Variants in PRR12 observed in about 807,000 individuals in gnomAD.
PRR12 encodes the protein proline rich 12.
A neutral mutation model predicts 138.0 loss-of-function variants in PRR12; 12 were observed. The observed-to-expected ratio is 0.09, with a 90% CI of 0.06 to 0.14. PRR12 has a LOEUF of 0.14. Among genes scored for constraint, PRR12 ranks in the 10% least tolerant of loss-of-function variants. The pLI is 1.00. For synonymous variants in PRR12, 1,567 were observed against 1,291.7 expected (o/e 1.21, Z -4.57); for missense variants, 2,692 against 2,861.3 (o/e 0.94, Z 1.35).
chr19:49,592,788 T>C (rs559536465), intron 1 of PRR12, among the ~76,000 whole-genome samples: 3 of 152,272 alleles, frequency 2.0e-5, no homozygotes, highest in South Asian at 2.1e-4. Context: ...CCAGGTCTTA[T>C]TCCCTCTTCT....
At chr19:49,598,479 C>T (rs919377487) in intron 4 of PRR12, among the ~76,000 whole-genome samples, 11 of 152,040 alleles carry the variant, frequency 7.2e-5, no homozygotes, top group Admixed American at 6.6e-5. Context: ...AGGAAGTTAG[C>T]GTGAGGAATT....
At position 49,624,945 on chromosome 19, in the gene PRR12, C is replaced by T; in HGVS notation, c.5823C>T (p.Asn1941=). 2 of 1,596,942 alleles carry T rather than the reference C, an allele frequency of 1.3e-6. No homozygotes were observed. The highest frequency in any genetic ancestry group is 1.7e-6 in the Non-Finnish European group (2 of 1,170,482). ...TGCGGCCTGCTGGGGAACCCTACAA[C>T]CGCAAGACGCTCAGCAAGCTCAAGA... ...VRLRPAGEPY[N]RKTLSKLKRS... The change falls in exon 12 of 14, where the codon AAC becomes AAT. Residue 1941 remains asparagine (N), a synonymous_variant. Transcript: ENST00000418929.
Position 49,596,223 on chromosome 19 carries a change from G to T in PRR12, c.1888G>T (p.Gly630Trp). Residue 630 changes from glycine (G) to tryptophan (W), a missense_variant, in exon 4 of 14, where the codon GGG becomes TGG. Coordinates refer to ENST00000418929, the MANE Select transcript of PRR12 (RefSeq NM_020719.3). The surrounding 1 kb of genome is among the most constrained non-coding windows in gnomAD (Gnocchi z 5.6). The part of the protein sequence containing the change: ...DGSELLAGPG[G>W]PPAERTEDEE... ...CTCGGAGCTGCTGGCGGGCCCAGGT[G>T]GGCCTCCTGCGGAGCGCACAGAGGA... is the stretch of plus-strand genomic sequence containing the variant. 1 of 1,610,802 alleles carries T rather than the reference G, an allele frequency of 6.2e-7. No homozygotes were observed. The highest frequency in any genetic ancestry group is 8.5e-7 in the Non-Finnish European group (1 of 1,179,690).
chr19:49,593,415 T>A lies in PRR12; in HGVS notation c.175T>A (p.Tyr59Asn). Residue 59 changes from tyrosine to asparagine, a missense_variant, in exon 2 of 14, where the codon TAT becomes AAT. Tyr to Asn is a moderately radical substitution (Grantham distance 143, BLOSUM62 -2). Coordinates refer to ENST00000418929, the MANE Select transcript of PRR12 (RefSeq NM_020719.3). Reference protein sequence around the residue: ...AYAAPHPLQSYATNHHPAGLS... With the variant: ...AYAAPHPLQSNATNHHPAGLS... ...TGCGGCCCCCCACCCACTGCAAAGC[T>A]ATGCCACCAACCACCACCCGGCAGG... The A allele has an allele frequency of 6.3e-7, 1 of 1,596,336 alleles. No homozygotes were observed. The highest frequency in any genetic ancestry group is 8.5e-7 in the Non-Finnish European group (1 of 1,171,420).
chr19:49,593,363 G>A lies in PRR12; in HGVS notation c.123G>A (p.Glu41=), dbSNP rs920902510. ...VYGSSRTSHP[E]TDILHRQAYA... ...GCAGCTCCAGGACCTCGCACCCCGA[G>A]ACGGACATCTTACACCGCCAGGCCT... is the stretch of plus-strand genomic sequence containing the variant. Residue 41 remains glutamate (E), a synonymous_variant, in exon 2 of 14, where the codon GAG becomes GAA. Coordinates refer to ENST00000418929, the MANE Select transcript of PRR12 (RefSeq NM_020719.3). The A allele has an allele frequency of 2.5e-5, 41 of 1,611,090 alleles. No homozygotes were observed. Among genetic ancestry groups the A allele is most frequent in the Non-Finnish European group, 3.4e-5 (40 of 1,179,100 alleles).
Position 49,594,732 on chromosome 19 carries a change from T to C in PRR12, c.397T>C (p.Ser133Pro), listed in dbSNP as rs141479260. 1.2e-6 allele frequency: 2 copies of C among 1,613,136 alleles called. No homozygotes were observed. The highest frequency in any genetic ancestry group is 1.1e-5 in the South Asian group (1 of 91,056). ...GCCAGGCCCCACGGAGCTCTTCATC[T>C]CGGGTGCCCTGCCGGGTTCCAGCAC... ...HTPGPTELFISGALPGSSTFP... is the reference protein window; with the variant it reads ...HTPGPTELFIPGALPGSSTFP... The change falls in exon 4 of 14, where the codon TCG becomes CCG. Residue 133 changes from serine to proline, a missense_variant. Physicochemically the swap from Ser to Pro is moderately conservative, Grantham distance 74. Around this residue, in one of 11 missense-constraint regions of PRR12, gnomAD observed 211 missense variants for 266.3 expected, o/e 0.79. Coordinates refer to ENST00000418929, the MANE Select transcript of PRR12 (RefSeq NM_020719.3). The surrounding 1 kb of genome is among the most constrained non-coding windows in gnomAD (Gnocchi z 5.6).
Position 49,603,823 on chromosome 19 carries a change from T to A in PRR12, c.4773+1905T>A, listed in dbSNP as rs1003064179. 2.0e-5 allele frequency among the ~76,000 whole-genome samples: 3 copies of A among 146,468 alleles called. No individual in the cohort carries two copies. In the Admixed American group the frequency reaches 2.4e-4, roughly 12 times the overall value. ...AGGATAATAACTATCATTACACTTTTTTCTTTTCTTTTCTTTTCTTTTTTT... is the reference window on the plus strand; with the variant it reads ...AGGATAATAACTATCATTACACTTTATTCTTTTCTTTTCTTTTCTTTTTTT... On this transcript the variant is annotated intron_variant, in intron 6 of 13. Transcript: ENST00000418929.
Position 49,625,323 on chromosome 19 carries a change from T to C in PRR12, c.5964+123T>C. 6 of 1,447,830 alleles carry C rather than the reference T, an allele frequency of 4.1e-6. No individual in the cohort carries two copies. The highest frequency in any genetic ancestry group is 3.8e-6 in the Non-Finnish European group (4 of 1,058,214). 89.7% of individuals were successfully genotyped at this position (1,447,830 alleles called of 1,614,324 possible). A position where few individuals can be genotyped will look rare whatever the true frequency, so the allele number is the denominator to read the frequency against. ...ACCCAAGAGTTCAGGTCCTTCTGTC[T>C]TGGACTTAAGAATGCAGCCCCCAGC... is the stretch of plus-strand genomic sequence containing the variant. On this transcript the variant is annotated intron_variant, in intron 13 of 13. Coordinates refer to ENST00000418929, the MANE Select transcript of PRR12 (RefSeq NM_020719.3). This position sits in a 1 kb window ranked among gnomAD's most constrained non-coding sequence, Gnocchi z 5.5.
Position 49,616,041 on chromosome 19 carries a change from G to A in PRR12, c.5319G>A (p.Thr1773=), listed in dbSNP as rs762224774. The change falls in exon 9 of 14, where the codon ACG becomes ACA. Residue 1773 remains threonine, a synonymous_variant. Transcript: ENST00000418929. The surrounding 1 kb of genome is among the most constrained non-coding windows in gnomAD (Gnocchi z 4.2). The stretch of plus-strand genomic sequence containing the variant: ...CACGGCCAGAGCGGAGTCTCGCCAC[G>A]GGACAACCTGCCACATCCCGGCTGC... ...RQTRPERSLA[T]GQPATSRLPK... is the part of the protein sequence containing the mutation. 1.9e-5 allele frequency: 29 copies of A among 1,558,516 alleles called. No individual in the cohort carries two copies. In the Admixed American group the frequency reaches 2.3e-4, roughly 12 times the overall value.
rs1193098365 is a variant in PRR12 at position 49,597,005 on chromosome 19, GC to G, written c.2675del (p.Pro892ArgfsTer8). On this transcript the variant is annotated frameshift_variant, in exon 4 of 14. Coordinates refer to ENST00000418929, the MANE Select transcript of PRR12 (RefSeq NM_020719.3). LOFTEE classifies it high-confidence loss of function. The surrounding 1 kb of genome is among the most constrained non-coding windows in gnomAD (Gnocchi z 6.3). Reference protein sequence around the residue: ...QELLGALEPLPPAPGDTGVGP... With the variant: ...QELLGALEPLXPAPGDTGVGP... ...AATTGCTCGGGGCTCTGGAGCCGCT[GC>G]CCCCGGCGCCTGGGGATACTGGCGT... 1.9e-6 allele frequency: 3 copies of G among 1,557,300 alleles called. No homozygotes were observed. Among genetic ancestry groups the G allele is most frequent in the Non-Finnish European group, 8.7e-7 (1 of 1,153,812 alleles).
chr19:49,615,667 A>AGG, intron 8 of PRR12, 80 bp from the exon 9 acceptor site: 1 of 1,167,752 alleles, frequency 8.6e-7, no homozygotes, highest in South Asian at 1.4e-5. Flanking sequence ...TCCTGTGCCT[A>AGG]GGGCACTGAG....
Position 49,599,495 on chromosome 19 carries a change from C to G in PRR12, c.3902C>G (p.Ala1301Gly). The change falls in exon 5 of 14, where the codon GCG becomes GGG. Residue 1301 changes from alanine to glycine, a missense_variant. Transcript: ENST00000418929. The surrounding 1 kb of genome is among the most constrained non-coding windows in gnomAD (Gnocchi z 5.0). ...SGKRHPPLYQ[A>G]GLTPPLSPPK... Reference sequence around the variant, plus strand: ...AAGCGCCACCCACCACTCTACCAGGCGGGCCTGACGCCTCCGCTCAGCCCT... The same window carrying G: ...AAGCGCCACCCACCACTCTACCAGGGGGGCCTGACGCCTCCGCTCAGCCCT... The G allele has an allele frequency of 6.3e-7, 1 of 1,599,458 alleles. No individual in the cohort carries two copies.
rs906161662 is a variant in PRR12 at position 49,625,854 on chromosome 19, A to G, written c.*247A>G. On this transcript the variant is annotated 3_prime_UTR_variant, in exon 14 of 14. Coordinates refer to ENST00000418929, the MANE Select transcript of PRR12 (RefSeq NM_020719.3). This position sits in a 1 kb window ranked among gnomAD's most constrained non-coding sequence, Gnocchi z 5.5. ...AGAGAAATTATTTATATATATGTAT[A>G]AATGTCTATTTAGTAACGGTTTCCC... 5.2e-6 allele frequency: 2 copies of G among 387,838 alleles called. No homozygotes were observed. Among genetic ancestry groups the G allele is most frequent in the Non-Finnish European group, 4.5e-6 (1 of 221,022 alleles). 24.0% of individuals were successfully genotyped at this position (387,838 alleles called of 1,614,324 possible).
Position 49,616,216 on chromosome 19 carries a change from G to T in PRR12, c.5494G>T (p.Asp1832Tyr). 6.5e-7 allele frequency: 1 copy of T among 1,529,036 alleles called. No individual in the cohort carries two copies. The highest frequency in any genetic ancestry group is 8.8e-7 in the Non-Finnish European group (1 of 1,135,896). 94.7% of individuals were successfully genotyped at this position (1,529,036 alleles called of 1,614,324 possible). A position where few individuals can be genotyped will look rare whatever the true frequency, so the allele number is the denominator to read the frequency against. ...GTCCTCCCCTGGAGCCCCCAGCGAG[G>T]ACGGTGAGGCCCTAGGCAGCCTCAG... is the stretch of plus-strand genomic sequence containing the variant. ...SESSPGAPSE[D>Y]ERAVPGRLLK... The change falls in exon 9 of 14, where the codon GAC becomes TAC. Residue 1832 changes from aspartate (D) to tyrosine (Y), a missense_variant. Physicochemically the swap from Asp to Tyr is radical, Grantham distance 160. This residue lies in a region of PRR12 where 259 missense variants were observed against 265.1 expected (regional missense o/e 0.98). Coordinates refer to ENST00000418929, the MANE Select transcript of PRR12 (RefSeq NM_020719.3). The surrounding 1 kb of genome is among the most constrained non-coding windows in gnomAD (Gnocchi z 4.2).
At position 49,601,675 on chromosome 19, in the gene PRR12, C is replaced by G. The variant is rs2080811925; in HGVS notation, c.4530C>G (p.Pro1510=). The part of the protein sequence containing the change: ...PLPPPPPPAM[P]SPPPPPPPAA... ...CGCCGCCACCTCCACCAGCCATGCC[C>G]TCGCCTCCACCACCACCCCCACCAG... Residue 1510 remains proline (P), a synonymous_variant, in exon 6 of 14, where the codon CCC becomes CCG. Transcript: ENST00000418929. 1 of 1,538,210 alleles carries G rather than the reference C, an allele frequency of 6.5e-7. No individual in the cohort carries two copies. Among genetic ancestry groups the G allele is most frequent in the Admixed American group, 2.0e-5 (1 of 50,842 alleles).
rs756250738 is a variant in PRR12 at position 49,596,638 on chromosome 19, C to G, written c.2303C>G (p.Pro768Arg). The change falls in exon 4 of 14, where the codon CCT (proline) becomes CGT (arginine). Residue 768 changes from proline (P) to arginine (R), a missense_variant. Transcript: ENST00000418929. The surrounding 1 kb of genome is among the most constrained non-coding windows in gnomAD (Gnocchi z 5.6). The stretch of plus-strand genomic sequence containing the variant: ...TTGCAAAAGAGCCCTCCGCCCCCAC[C>G]TCCCACGGCCCAGTCTACCCAGCCC... ...AFLQKSPPPP[P>R]PTAQSTQPTP... is the part of the protein sequence containing the mutation. 32 of 1,595,126 alleles carry G rather than the reference C, an allele frequency of 2.0e-5. No homozygotes were observed. Among genetic ancestry groups the G allele is most frequent in the Non-Finnish European group, 2.3e-5 (27 of 1,171,816 alleles).
Position 49,616,400 on chromosome 19 carries a change from G to T in PRR12, c.5497+181G>T, listed in dbSNP as rs1371161013. ...ACGACAGGCTGCCTCCTGAGAAGCT[G>T]ATGGATGTTAACTTGTGTAATTTTC... On this transcript the variant is annotated intron_variant, in intron 9 of 13. Transcript: ENST00000418929. This position sits in a 1 kb window ranked among gnomAD's most constrained non-coding sequence, Gnocchi z 4.2. Among the ~76,000 whole-genome samples, 3 of 152,138 alleles carry T rather than the reference G, an allele frequency of 2.0e-5. No individual in the cohort carries two copies. The highest frequency in any genetic ancestry group is 7.2e-5 in the African/African-American group (3 of 41,424).
Position 49,624,995 on chromosome 19 carries a change from G to T in PRR12, c.5868+5G>T, listed in dbSNP as rs1338204759. On this transcript the variant is annotated splice_donor_5th_base_variant and intron_variant, in intron 12 of 13. Transcript: ENST00000418929. ...AGGAGCGTGGTCAGAGCCCAGGTGG[G>T]CACTGGGGCTGGGGCTGGGAGTGGG... is the stretch of plus-strand genomic sequence containing the variant. 11 of 1,602,988 alleles carry T rather than the reference G, an allele frequency of 6.9e-6. No homozygotes were observed. The highest frequency in any genetic ancestry group is 1.3e-5 in the African/African-American group (1 of 74,614).
chr19:49,592,918 G>A (rs1423959673), intron 1 of PRR12, among the ~76,000 whole-genome samples: 1 of 151,810 alleles, frequency 6.6e-6, no homozygotes, highest in East Asian at 1.9e-4. Flanking sequence ...AAGAGGAGGC[G>A]TCCATGTGGA....
Sources: gnomAD v4.1 joint callset for allele counts (sites outside exome capture counted in the v4.1 genomes callset) on GRCh38, gnomAD v4.1.1 for gene constraint, gnomAD v4.1.1 regional missense constraint, Gnocchi (gnomAD v3.1) non-coding constraint, MANE v1.5 for transcripts, NCBI Gene and HGNC (gene_info 2026-07-23, HGNC 2026-07-21) for gene names.